Variants in TNS1 observed in about 807,000 individuals in gnomAD.
The protein encoded by TNS1 is tensin-1.
Under a neutral mutation model 168.6 loss-of-function variants are expected in TNS1, and 62 were observed. The ratio of observed to expected loss-of-function variants is 0.37; its 90% CI spans 0.30 to 0.45. The LOEUF (loss-of-function observed/expected upper bound fraction) is 0.45. Among genes scored for constraint, TNS1 ranks in the 20% least tolerant of loss-of-function variants. The probability of loss-of-function intolerance (pLI) is 1.00; values close to 1 mark genes in which losing one functional copy is unlikely to be tolerated. For synonymous variants in TNS1, 934 were observed against 933.2 expected (o/e 1.00, Z -0.02); for missense variants, 2,240 against 2,339.4 (o/e 0.96, Z 0.88).
intron 22 of TNS1, among the ~76,000 whole-genome samples, chr2:217,825,557 C>T (rs1341540581): frequency 2.6e-5 from 4 of 152,204 alleles, no homozygotes; most frequent in African/African-American, 7.2e-5. Flanking sequence ...ATTCACATTG[C>T]CCTACGCCCC....
chr2:217,980,502 C>CAGAG (rs1559398375), intron 2 of TNS1, among the ~76,000 whole-genome samples: 2 of 117,922 alleles, frequency 1.7e-5, no homozygotes, highest in African/African-American at 7.7e-5. Context: ...CTCCTACACA[C>CAGAG]ACACAGAGAG....
rs570146529 is a variant in TNS1, at chr2:217,833,133, G to A, written c.3281-1586C>T. ...AGACGGTCATTCATGGAATAACCAC[G>A]AAGCAGCCCCAGCCCACAGGTACGC... is the stretch of plus-strand genomic sequence containing the variant. On this transcript the variant is annotated intron_variant, in intron 21 of 32. Coordinates refer to ENST00000682258, the MANE Select transcript of TNS1 (RefSeq NM_001387777.1). 4.9e-4 allele frequency among the ~76,000 whole-genome samples: 75 copies of A among 152,320 alleles called. 1 individual carries two copies. Among genetic ancestry groups the A allele is most frequent in the Middle Eastern group, 3.4e-3 (1 of 294 alleles).
chr2:217,935,633 T>C (rs1346215695), intron 3 of TNS1, among the ~76,000 whole-genome samples: 1 of 152,194 alleles, frequency 6.6e-6, no homozygotes, highest in African/African-American at 2.4e-5. Flanking sequence ...ATCTATCTCT[T>C]GTGCTCTCCC....
rs142672992 is a variant in TNS1, at chr2:217,821,932, C to T, written c.3380G>A (p.Arg1127Gln). ...DILLHPTGEP[R>Q]SYVESVARTA... Reference sequence around the variant, plus strand: ...CCGTGCCACAGACTCCACATAGCTCCGGGGCTCTGGAAGGGGCAAGAGGAC... The same window carrying T: ...CCGTGCCACAGACTCCACATAGCTCTGGGGCTCTGGAAGGGGCAAGAGGAC... The change falls in exon 23 of 33, where the codon CGG becomes CAG. Residue 1127 changes from arginine (R) to glutamine (Q), a missense_variant. Arg to Gln is a conservative substitution (Grantham distance 43). Transcript: ENST00000682258. 135 of 1,584,242 alleles carry T rather than the reference C, an allele frequency of 8.5e-5. No individual in the cohort carries two copies. The highest frequency in any genetic ancestry group is 5.9e-4 in the African/African-American group (44 of 74,134).
At chr2:218,028,665 C>G (rs1295557635) in intron 1 of TNS1, among the ~76,000 whole-genome samples, 1 of 152,214 alleles carries the variant, frequency 6.6e-6, no homozygotes, top group Non-Finnish European at 1.5e-5. Context: ...AGCTTGGGGT[C>G]TTCCATCCCC....
Position 217,864,996 on chromosome 2 carries a change from G to C in TNS1, c.1429+15902C>G, listed in dbSNP as rs574829465. The stretch of plus-strand genomic sequence containing the variant: ...GAGGAGCCCATGTGGTTCCATGCAT[G>C]AGAGGTGGCTATGACTACAGGGGTC... On this transcript the variant is annotated intron_variant, in intron 18 of 32. Coordinates refer to ENST00000682258, the MANE Select transcript of TNS1 (RefSeq NM_001387777.1). 3.3e-5 allele frequency among the ~76,000 whole-genome samples: 5 copies of C among 152,284 alleles called. No individual in the cohort carries two copies. In the South Asian group the frequency reaches 8.3e-4, roughly 25 times the overall value.
intron 18 of TNS1, among the ~76,000 whole-genome samples, chr2:217,867,518 C>G (rs1007376600): frequency 6.6e-6 from 1 of 152,202 alleles, no homozygotes; most frequent in African/African-American, 2.4e-5. Context: ...TGCAGCTGAA[C>G]AAAATGAGAA....
intron 19 of TNS1, among the ~76,000 whole-genome samples, chr2:217,840,771 G>C (rs2571453): frequency 0.056 from 8,517 of 152,320 alleles, 647 homozygotes; most frequent in African/African-American, 0.18. Flanking sequence ...CGGAGTGCTG[G>C]ACTGTCCAGA....
At chr2:218,021,845 G>A (rs1262832892) in intron 1 of TNS1, among the ~76,000 whole-genome samples, 4 of 152,238 alleles carry the variant, frequency 2.6e-5, no homozygotes, top group Non-Finnish European at 5.9e-5. Context: ...TTTTTAGCCA[G>A]GACCCAGCAG....
chr2:217,904,475 A>G (rs1229782691), intron 6 of TNS1, among the ~76,000 whole-genome samples: 1 of 152,024 alleles, frequency 6.6e-6, no homozygotes, highest in Non-Finnish European at 1.5e-5. Context: ...GAGCCTTACA[A>G]ATTAGGTTTT....
intron 3 of TNS1, among the ~76,000 whole-genome samples, chr2:217,978,205 A>G (rs1281667660): frequency 6.6e-6 from 1 of 152,178 alleles, no homozygotes; most frequent in African/African-American, 2.4e-5. Context: ...GAAATTGAGG[A>G]CCAAAAGAAG....
At chr2:217,809,140 T>G in intron 30 of TNS1, among the ~76,000 whole-genome samples, 1 of 151,624 alleles carries the variant, frequency 6.6e-6, no homozygotes, top group Non-Finnish European at 1.5e-5. Context: ...AAACGGGTGG[T>G]AAGGGATAGA....
At chr2:217,922,086 G>C (rs1456592798) in intron 3 of TNS1, among the ~76,000 whole-genome samples, 1 of 152,222 alleles carries the variant, frequency 6.6e-6, no homozygotes, top group Non-Finnish European at 1.5e-5. Flanking sequence ...CCAGCACGGG[G>C]CTATGAGTGA....
chr2:217,965,186 A>G (rs565364116), intron 3 of TNS1, among the ~76,000 whole-genome samples: 1 of 152,276 alleles, frequency 6.6e-6, no homozygotes, highest in East Asian at 1.9e-4. Flanking sequence ...TTTCTGGGGC[A>G]CTTAGCTCTT....
intron 22 of TNS1, among the ~76,000 whole-genome samples, chr2:217,824,860 A>C (rs2125225414): frequency 1.3e-5 from 2 of 152,182 alleles, no homozygotes; most frequent in South Asian, 4.2e-4. Flanking sequence ...CAGGGAGAGA[A>C]AGCCACTCTT....
chr2:217,809,292 GATGGATAGGTGC>G, intron 30 of TNS1, among the ~76,000 whole-genome samples: 1 of 99,692 alleles, frequency 1.0e-5, no homozygotes, highest in Non-Finnish European at 2.1e-5. Flanking sequence ...TGGATGGATG[GATGGATAGGTGC>G]ATGGATGGAT....
intron 6 of TNS1, among the ~76,000 whole-genome samples, chr2:217,905,655 A>G (rs1181215862): frequency 6.6e-6 from 1 of 152,154 alleles, no homozygotes; most frequent in Admixed American, 6.5e-5. Flanking sequence ...ACGGTCAGAG[A>G]GGGGCAGGGA....
Position 217,848,559 on chromosome 2 carries a change from G to A in TNS1, c.1958C>T (p.Thr653Ile), listed in dbSNP as rs3796033. 0.33 allele frequency: 531,164 copies of A among 1,613,890 alleles called. 91,132 individuals are homozygous for A. The highest frequency in any genetic ancestry group is 0.56 in the African/African-American group (42,210 of 74,976). The stretch of plus-strand genomic sequence containing the variant: ...GGCCTCTGGGTAGCCCCCCTCACTG[G>A]TGTTGGTGACCCCGTCCAGAGAAGA... ...TLSSLDGVTNTSEGGYPEALS... is the reference protein window; with the variant it reads ...TLSSLDGVTNISEGGYPEALS... Residue 653 changes from threonine (T) to isoleucine (I), a missense_variant, in exon 19 of 33, where the codon ACC becomes ATC. Thr to Ile is a moderately conservative substitution (Grantham distance 89). Coordinates refer to ENST00000682258, the MANE Select transcript of TNS1 (RefSeq NM_001387777.1).
At chr2:217,833,623 G>A (rs763506051) in intron 21 of TNS1, among the ~76,000 whole-genome samples, 18 of 152,216 alleles carry the variant, frequency 1.2e-4, no homozygotes, top group Non-Finnish European at 1.6e-4. Flanking sequence ...GAGGTTCCCC[G>A]CAGTCACAAG....
Sources: gnomAD v4.1 joint callset for allele counts (sites outside exome capture counted in the v4.1 genomes callset) on GRCh38, gnomAD v4.1.1 for gene constraint, MANE v1.5 for transcripts, NCBI Gene and HGNC (gene_info 2026-07-23, HGNC 2026-07-21) for gene names.